NRCAM: variants seen among roughly 807,000 people sequenced by gnomAD.
NRCAM encodes neuronal cell adhesion molecule, also known as NgCAM-related cell adhesion molecule.
NRCAM carries 83 observed loss-of-function variants against 156.5 expected under a neutral mutation model. That is an observed-to-expected ratio of 0.53 (90% CI 0.44 to 0.64). The LOEUF (loss-of-function observed/expected upper bound fraction) is 0.64, where lower values mean the gene tolerates loss of function less well. Among genes scored for constraint, NRCAM ranks in the 30% least tolerant of loss-of-function variants. The probability of loss-of-function intolerance (pLI) is 0.00; values close to 1 mark genes in which losing one functional copy is unlikely to be tolerated. For synonymous variants in NRCAM, 538 were observed against 563.9 expected (o/e 0.95, Z 0.65); for missense variants, 1,417 against 1,597.3 (o/e 0.89, Z 1.92).
chr7:108,177,906 T>G, intron 26 of NRCAM, 84 bp downstream of exon 26: 1 of 1,270,602 alleles, frequency 7.9e-7, no homozygotes, highest in East Asian at 2.6e-5. Context: ...ACGTACCCCA[T>G]GAGGAGGTAT....
chr7:108,455,095 C>A (rs919749163), intron 1 of NRCAM, among the ~76,000 whole-genome samples: 10 of 152,268 alleles, frequency 6.6e-5, no homozygotes, highest in Admixed American at 1.3e-4. Context: ...AAGGAAGCGG[C>A]CTGTTCGCCA....
intron 3 of NRCAM, among the ~76,000 whole-genome samples, chr7:108,274,056 G>T (rs1336901526): frequency 1.3e-5 from 2 of 152,142 alleles, no homozygotes; most frequent in African/African-American, 4.8e-5. Flanking sequence ...GGTGGTAGAT[G>T]TGTGGTGTTA....
intron 13 of NRCAM, among the ~76,000 whole-genome samples, chr7:108,202,629 G>A (rs2078789755): frequency 1.3e-5 from 2 of 152,146 alleles, no homozygotes; most frequent in Admixed American, 6.5e-5. Flanking sequence ...GGATGCCACT[G>A]AGCCCCTTAG....
At chr7:108,188,364 G>T (rs2068588578) in intron 20 of NRCAM, among the ~76,000 whole-genome samples, 2 of 143,896 alleles carry the variant, frequency 1.4e-5, no homozygotes, top group Non-Finnish European at 3.0e-5. Flanking sequence ...GCCCTTGAAG[G>T]TAGATCTGAG....
chr7:108,170,369 T>C (rs1190897541), intron 28 of NRCAM, among the ~76,000 whole-genome samples: 2 of 152,190 alleles, frequency 1.3e-5, no homozygotes, highest in Non-Finnish European at 2.9e-5. Flanking sequence ...CCAGAATCAC[T>C]AAGCTAAAGG....
intron 3 of NRCAM, among the ~76,000 whole-genome samples, chr7:108,244,656 T>A (rs1301773379): frequency 6.6e-6 from 1 of 152,180 alleles, no homozygotes; most frequent in Non-Finnish European, 1.5e-5. Flanking sequence ...ATAATAGGAC[T>A]ATAGAGATGA....
chr7:108,298,305 AG>A (rs1285959832), intron 3 of NRCAM, among the ~76,000 whole-genome samples: 1 of 151,934 alleles, frequency 6.6e-6, no homozygotes, highest in African/African-American at 2.4e-5. Context: ...TGACAATGTA[AG>A]GGGCTCACAG....
rs899988401 is a variant in NRCAM, at chr7:108,178,062, G to A, written c.2902C>T (p.Leu968Phe). The A allele has an allele frequency of 6.8e-6, 11 of 1,613,642 alleles. No individual in the cohort carries two copies. The highest frequency in any genetic ancestry group is 8.5e-6 in the Non-Finnish European group (10 of 1,179,778). ...LKIVNPTLDSLTLEWDPPSHP... is the reference protein window; with the variant it reads ...LKIVNPTLDSFTLEWDPPSHP... ...CTCGGTGGATCCCATTCCAAAGTGA[G>A]AGAGTCCAGTGTTGGATTCACAATC... is the stretch of plus-strand genomic sequence containing the variant. The change falls in exon 26 of 33, where the codon CTC becomes TTC. Residue 968 changes from leucine (L) to phenylalanine (F), a missense_variant. Around this residue, in one of 2 missense-constraint regions of NRCAM, gnomAD observed 1,238 missense variants for 1,336.4 expected, o/e 0.93. Coordinates refer to ENST00000379028, the MANE Select transcript of NRCAM (RefSeq NM_001037132.4).
chr7:108,192,095 T>C (rs182479351), intron 17 of NRCAM, among the ~76,000 whole-genome samples: 7 of 152,312 alleles, frequency 4.6e-5, no homozygotes, highest in African/African-American at 1.7e-4. Context: ...ACCAGGCCTC[T>C]AGAGCACGGG....
At chr7:108,275,037 C>T (rs764924460) in intron 3 of NRCAM, among the ~76,000 whole-genome samples, 2 of 152,112 alleles carry the variant, frequency 1.3e-5, no homozygotes, top group Non-Finnish European at 2.9e-5. Flanking sequence ...TGATGGATTA[C>T]GTTTATTGAT....
intron 29 of NRCAM, 90 bp from the exon 30 acceptor site, chr7:108,167,163 C>A: frequency 1.1e-6 from 1 of 943,812 alleles, no homozygotes; most frequent in Non-Finnish European, 1.6e-6. Context: ...TCTTTATAAG[C>A]TAAAGACAAG....
chr7:108,246,613 T>C (rs1273494163), intron 3 of NRCAM, among the ~76,000 whole-genome samples: 2 of 152,078 alleles, frequency 1.3e-5, no homozygotes. Context: ...GGCCATGACA[T>C]CACCAGAACA....
chr7:108,307,097 A>G (rs1370406441), intron 3 of NRCAM, among the ~76,000 whole-genome samples: 2 of 152,190 alleles, frequency 1.3e-5, no homozygotes, highest in Non-Finnish European at 2.9e-5. Context: ...TCAGATGATA[A>G]TATGTCTGTA....
At chr7:108,163,815 A>G (rs189625655) in intron 30 of NRCAM, among the ~76,000 whole-genome samples, 53 of 89,168 alleles carry the variant, frequency 5.9e-4, no homozygotes, top group South Asian at 1.4e-3. Context: ...GGTGGCGGTA[A>G]TGAGAGGTCA....
At chr7:108,355,030 A>C (rs1387538012) in intron 2 of NRCAM, among the ~76,000 whole-genome samples, 1 of 152,234 alleles carries the variant, frequency 6.6e-6, no homozygotes, top group Admixed American at 6.5e-5. Context: ...AGAAAATTAT[A>C]AACTTTTATT....
At chr7:108,370,888 T>C (rs2099624142) in intron 2 of NRCAM, among the ~76,000 whole-genome samples, 1 of 69,624 alleles carries the variant, frequency 1.4e-5, no homozygotes, top group Non-Finnish European at 3.8e-5. Context: ...GTCATATTAA[T>C]AATATTTCTC....
At chr7:108,408,063 G>T (rs1380398401) in intron 1 of NRCAM, among the ~76,000 whole-genome samples, 1 of 152,104 alleles carries the variant, frequency 6.6e-6, no homozygotes, top group Non-Finnish European at 1.5e-5. Flanking sequence ...TTTTAAAGAA[G>T]TGATTTTATC....
chr7:108,325,781 G>C (rs1293251410), intron 2 of NRCAM, among the ~76,000 whole-genome samples: 1 of 151,930 alleles, frequency 6.6e-6, no homozygotes, highest in East Asian at 1.9e-4. Context: ...CTAAAACAGA[G>C]CATCAGTAAA....
At chr7:108,194,801 T>C (rs1457096006) in intron 15 of NRCAM, among the ~76,000 whole-genome samples, 2 of 152,252 alleles carry the variant, frequency 1.3e-5, no homozygotes, top group Non-Finnish European at 2.9e-5. Context: ...ATCTAGGACC[T>C]GACAGATGAT....
Sources: allele counts gnomAD v4.1 joint callset (sites outside exome capture counted in the v4.1 genomes callset), GRCh38; gene constraint gnomAD v4.1.1; regional missense constraint gnomAD v4.1.1; transcripts MANE v1.5; gene names NCBI Gene and HGNC (gene_info 2026-07-23, HGNC 2026-07-21).